The following MAST4 variants were observed in gnomAD, a reference collection of about 807,000 sequenced individuals.
MAST4 encodes the protein microtubule associated serine/threonine kinase family member 4.
In MAST4, 89 loss-of-function variants were observed where a neutral mutation model predicts 162.7. The ratio of observed to expected loss-of-function variants is 0.55; its 90% confidence interval spans 0.46 to 0.65. The LOEUF is 0.65. Ranked by LOEUF, MAST4 falls within the 30% of genes least tolerant of loss-of-function variation. MAST4 has a pLI of 0.00. For synonymous variants in MAST4, 1,479 were observed against 1,361.1 expected, an observed-to-expected ratio of 1.09 and a Z score of -1.91; for missense variants, 3,153 against 3,374.0, an observed-to-expected ratio of 0.93 and a Z score of 1.62.
chr5:66,743,512 G>A (rs1752584711), intron 1 of MAST4, among the ~76,000 whole-genome samples: 1 of 152,208 alleles, frequency 6.6e-6, no homozygotes, highest in Admixed American at 6.5e-5. Flanking sequence ...GAAGTGCTTT[G>A]GGCAGGTTGG....
intron 4 of MAST4, among the ~76,000 whole-genome samples, chr5:66,998,205 A>G (rs766485914): frequency 2.0e-5 from 3 of 152,228 alleles, no homozygotes; most frequent in Non-Finnish European, 2.9e-5. Flanking sequence ...GACACTTCTT[A>G]TAATTGCACT....
chr5:66,974,794 C>A (rs752527914), intron 4 of MAST4, among the ~76,000 whole-genome samples: 1 of 152,082 alleles, frequency 6.6e-6, no homozygotes, highest in Non-Finnish European at 1.5e-5. Flanking sequence ...ACCTTGAAAG[C>A]TTTCATGGGA....
At chr5:66,840,640 C>T (rs1235038192) in intron 3 of MAST4, among the ~76,000 whole-genome samples, 2 of 152,142 alleles carry the variant, frequency 1.3e-5, no homozygotes. Context: ...GGCCAATGAG[C>T]TATTAGTGGA....
At chr5:66,796,808 G>A (rs768855205) in intron 3 of MAST4, among the ~76,000 whole-genome samples, 18 of 152,282 alleles carry the variant, frequency 1.2e-4, no homozygotes, top group Admixed American at 2.0e-4. Context: ...ATGATCCATA[G>A]GGTGGTAAAT....
At chr5:66,985,720 T>G (rs1749406924) in intron 4 of MAST4, among the ~76,000 whole-genome samples, 1 of 151,702 alleles carries the variant, frequency 6.6e-6, no homozygotes, top group African/African-American at 2.4e-5. Flanking sequence ...GTGTATGGGG[T>G]GGGAAAGGGA....
chr5:67,054,496 A>T lies in MAST4; in HGVS notation c.763+4A>T. 6.3e-7 allele frequency: 1 copy of T among 1,598,914 alleles called. No homozygotes were observed. The highest frequency in any genetic ancestry group is 2.3e-5 in the East Asian group (1 of 44,342). ...TCACCTCTCTCTGCTCATGCAGGTA[A>T]TTGGTTACCATTTCTTGAGTTTTGT... On this transcript the variant is annotated splice_donor_region_variant and intron_variant, in intron 5 of 28. Transcript: ENST00000403625.
intron 3 of MAST4, among the ~76,000 whole-genome samples, chr5:66,814,018 C>T (rs983247894): frequency 6.6e-6 from 1 of 152,302 alleles, no homozygotes; most frequent in East Asian, 1.9e-4. Flanking sequence ...ACACTTTCTG[C>T]TTCACCTGAT....
At chr5:66,852,041 A>G (rs1356169886) in intron 3 of MAST4, among the ~76,000 whole-genome samples, 3 of 152,222 alleles carry the variant, frequency 2.0e-5, no homozygotes, top group African/African-American at 4.8e-5. Flanking sequence ...TTGAAAATAT[A>G]TAATAATCTA....
intron 5 of MAST4, among the ~76,000 whole-genome samples, chr5:67,078,902 TTTTATATAAATATATATATATA>T (rs1762137310): frequency 1.8e-5 from 1 of 54,086 alleles, no homozygotes; most frequent in Non-Finnish European, 3.2e-5. Flanking sequence ...ATTTATATAT[TTTTATATAAATATATATATATA>T]TATATATATA....
chr5:66,654,228 G>A (rs1580114546), intron 1 of MAST4, among the ~76,000 whole-genome samples: 1 of 152,242 alleles, frequency 6.6e-6, no homozygotes, highest in Non-Finnish European at 1.5e-5. Context: ...TGATGCTAAA[G>A]TTTAGTGTCT....
chr5:66,613,517 C>T (rs1323268548), intron 1 of MAST4, among the ~76,000 whole-genome samples: 1 of 152,020 alleles, frequency 6.6e-6, no homozygotes, highest in Admixed American at 6.6e-5. Context: ...AACTCTCAGC[C>T]CCTGAGTTCT....
intron 3 of MAST4, among the ~76,000 whole-genome samples, chr5:66,791,130 T>G (rs1257958765): frequency 6.6e-6 from 1 of 152,004 alleles, no homozygotes; most frequent in Non-Finnish European, 1.5e-5. Flanking sequence ...TTCAGGCGAT[T>G]CTCCTGCCTC....
chr5:66,653,802 A>G (rs761227812), intron 1 of MAST4, among the ~76,000 whole-genome samples: 8 of 152,080 alleles, frequency 5.3e-5, no homozygotes, highest in Non-Finnish European at 1.0e-4. Flanking sequence ...CTTTCTTCCT[A>G]GGTGCTTGGA....
chr5:67,164,590 C>T lies in MAST4; in HGVS notation c.5411C>T (p.Thr1804Ile). The change falls in exon 29 of 29, where the codon ACT becomes ATT. Residue 1804 changes from threonine to isoleucine, a missense_variant. This residue lies in a region of MAST4 where 1,644 missense variants were observed against 1,495.0 expected (regional missense o/e 1.10). Coordinates refer to ENST00000403625, the MANE Select transcript of MAST4 (RefSeq NM_001164664.2). The surrounding 1 kb of genome is among the most constrained non-coding windows in gnomAD (Gnocchi z 5.3). ...TCATGCCTGAAGCCGATCGAGGGCA[C>T]TCTGGACATTGCTCTCCTGTCCGGA... ...SVSCLKPIEGTLDIALLSGPQ... is the reference protein window; with the variant it reads ...SVSCLKPIEGILDIALLSGPQ... The T allele has an allele frequency of 6.2e-7, 1 of 1,613,996 alleles. No homozygotes were observed. The highest frequency in any genetic ancestry group is 8.5e-7 in the Non-Finnish European group (1 of 1,179,894).
chr5:67,078,882 A>G (rs1189889126), intron 5 of MAST4, among the ~76,000 whole-genome samples: 1 of 95,104 alleles, frequency 1.1e-5, no homozygotes, highest in Admixed American at 1.6e-4. Flanking sequence ...TTATATAAAT[A>G]TATTTATATA....
In MAST4 at chr5:67,152,707, ACGAGATTCCTCTCCCAGC is replaced by A; in HGVS notation, c.3378_3395del (p.Pro1127_Ser1132del). 6.2e-7 allele frequency: 1 copy of A among 1,613,982 alleles called. No individual in the cohort carries two copies. Among genetic ancestry groups the A allele is most frequent in the Non-Finnish European group, 8.5e-7 (1 of 1,179,888 alleles). Reference sequence around the variant, plus strand: ...CCCTGTCCTCGGACCCTTCTTCTTCACGAGATTCCTCTCCCAGCCGAGATTCCTCAGCAGCTTCTGCCA... The same window carrying A: ...CCCTGTCCTCGGACCCTTCTTCTTCACGAGATTCCTCAGCAGCTTCTGCCA... On this transcript the variant is annotated inframe_deletion, in exon 25 of 29. Coordinates refer to ENST00000403625, the MANE Select transcript of MAST4 (RefSeq NM_001164664.2).
chr5:66,893,889 G>A (rs1278789633), intron 3 of MAST4, among the ~76,000 whole-genome samples: 1 of 152,172 alleles, frequency 6.6e-6, no homozygotes, highest in Non-Finnish European at 1.5e-5. Context: ...TCTATGGTAT[G>A]AACTTTTTTG....
chr5:66,626,436 A>G (rs1402177975), intron 1 of MAST4, among the ~76,000 whole-genome samples: 3 of 152,208 alleles, frequency 2.0e-5, no homozygotes, highest in African/African-American at 4.8e-5. Flanking sequence ...TTCTCACTGT[A>G]TATCTTGGAG....
At chr5:66,676,150 T>C (rs1747932040) in intron 1 of MAST4, among the ~76,000 whole-genome samples, 1 of 152,154 alleles carries the variant, frequency 6.6e-6, no homozygotes, top group Admixed American at 6.5e-5. Flanking sequence ...ATTAAAACAG[T>C]GAGTTGTTAC....
Sources: gnomAD v4.1 joint callset for allele counts (sites outside exome capture counted in the v4.1 genomes callset) on GRCh38, gnomAD v4.1.1 for gene constraint, gnomAD v4.1.1 regional missense constraint, Gnocchi (gnomAD v3.1) non-coding constraint, MANE v1.5 for transcripts, NCBI Gene and HGNC (gene_info 2026-07-23, HGNC 2026-07-21) for gene names.